The following TTC39C variants were observed in gnomAD, a reference collection of about 807,000 sequenced individuals.
The protein encoded by TTC39C is tetratricopeptide repeat protein 39C.
In TTC39C, 33 loss-of-function variants were observed where a neutral mutation model predicts 76.3. The ratio of observed to expected loss-of-function variants is 0.43; its 90% CI spans 0.33 to 0.58. The LOEUF (loss-of-function observed/expected upper bound fraction) is 0.58. Ranked by LOEUF, TTC39C falls within the 20% of genes least tolerant of loss-of-function variation. The pLI, the probability that TTC39C is intolerant of heterozygous loss-of-function variation, is 0.04. For synonymous variants in TTC39C, 254 were observed against 260.6 expected, an observed-to-expected ratio of 0.97 and a Z score of 0.24; for missense variants, 595 against 701.4, an observed-to-expected ratio of 0.85 and a Z score of 1.71.
At chr18:24,094,467 T>C (rs1286756650) in intron 6 of TTC39C, among the ~76,000 whole-genome samples, 2 of 152,254 alleles carry the variant, frequency 1.3e-5, no homozygotes, top group Non-Finnish European at 2.9e-5. Context: ...GTTTTCAATT[T>C]ACTTTGCTCA....
At chr18:24,050,875 GA>G (rs56836246) in intron 1 of TTC39C, among the ~76,000 whole-genome samples, 2,530 of 142,736 alleles carry the variant, frequency 0.018, 72 homozygotes, top group African/African-American at 0.058. Context: ...TCCATCTCAG[GA>G]AAAAAAAAAA....
At chr18:24,116,913 C>T (rs568748545) in intron 7 of TTC39C, among the ~76,000 whole-genome samples, 1 of 149,004 alleles carries the variant, frequency 6.7e-6, no homozygotes, top group African/African-American at 2.4e-5. Flanking sequence ...GCAGCCCAGA[C>T]CTCCCCGGCT....
At chr18:24,077,653 A>T (rs2084323766) in intron 4 of TTC39C, among the ~76,000 whole-genome samples, 1 of 152,230 alleles carries the variant, frequency 6.6e-6, no homozygotes, top group African/African-American at 2.4e-5. Flanking sequence ...TAATAGAAAC[A>T]GTCAATAGCC....
intron 6 of TTC39C, among the ~76,000 whole-genome samples, chr18:24,107,996 A>G (rs1273409846): frequency 1.3e-5 from 2 of 152,172 alleles, no homozygotes; most frequent in African/African-American, 2.4e-5. Flanking sequence ...TTTACTTACT[A>G]GTTGCTTAAA....
intron 10 of TTC39C, among the ~76,000 whole-genome samples, chr18:24,128,321 C>A (rs1253551383): frequency 6.6e-6 from 1 of 151,980 alleles, no homozygotes; most frequent in East Asian, 1.9e-4. Flanking sequence ...CCTGCTTCTA[C>A]AAGATCAGCT....
At chr18:24,113,706 T>C in intron 6 of TTC39C, 1 of 702,268 alleles carries the variant, frequency 1.4e-6, no homozygotes, top group Non-Finnish European at 2.6e-6. Flanking sequence ...AAGATTAAAC[T>C]GATGCTTTGA....
At chr18:24,016,895 C>T (rs191005248) in intron 1 of TTC39C, among the ~76,000 whole-genome samples, 1 of 152,296 alleles carries the variant, frequency 6.6e-6, no homozygotes, top group East Asian at 1.9e-4. Context: ...TATATATTCT[C>T]ACTATTCTCA....
Position 24,128,984 on chromosome 18 carries a change from G to A in TTC39C, c.1518+1G>A. 1 of 1,611,766 alleles carries A rather than the reference G, an allele frequency of 6.2e-7. No individual in the cohort carries two copies. The highest frequency in any genetic ancestry group is 8.5e-7 in the Non-Finnish European group (1 of 1,178,694). On this transcript the variant is annotated splice_donor_variant, in intron 11 of 13. Transcript: ENST00000317571. LOFTEE classifies it high-confidence loss of function. The stretch of plus-strand genomic sequence containing the variant: ...AGGAAACTCAGAAGATGCTGTTCAG[G>A]TAAACTGTTAATGTTGTCAGGGCTA...
At chr18:24,047,156 C>T (rs529096787) in intron 1 of TTC39C, among the ~76,000 whole-genome samples, 10 of 151,718 alleles carry the variant, frequency 6.6e-5, no homozygotes, top group South Asian at 4.2e-4. Flanking sequence ...TGCAGTGGCG[C>T]GATCTCCGCT....
chr18:24,097,412 C>T lies in TTC39C; in HGVS notation c.984+14331C>T, dbSNP rs1226419393. ...ATTACAGTTCCTTGAAGAAACACTT[C>T]AGGATCTTGATCCCACTTATTTACA... is the stretch of plus-strand genomic sequence containing the variant. On this transcript the variant is annotated intron_variant, in intron 6 of 13. Coordinates refer to ENST00000317571, the MANE Select transcript of TTC39C (RefSeq NM_001135993.2). Among the ~76,000 whole-genome samples, 4 of 152,298 alleles carry T rather than the reference C, an allele frequency of 2.6e-5. No homozygotes were observed. In the East Asian group the frequency reaches 7.7e-4, roughly 29 times the overall value.
chr18:24,004,471 G>A (rs569301589), intron 1 of TTC39C, among the ~76,000 whole-genome samples: 70 of 152,314 alleles, frequency 4.6e-4, no homozygotes, highest in Non-Finnish European at 7.9e-4. Context: ...AAAAATAAAT[G>A]TCAAGAGTTA....
chr18:24,045,225 T>C (rs528213911), intron 1 of TTC39C, among the ~76,000 whole-genome samples: 3 of 134,702 alleles, frequency 2.2e-5, no homozygotes, highest in Non-Finnish European at 4.6e-5. Context: ...GTCAAGATCA[T>C]GCCACTGCAC....
chr18:24,113,427 C>T (rs2084842886), intron 6 of TTC39C: 1 of 605,960 alleles, frequency 1.7e-6, no homozygotes, highest in African/African-American at 1.9e-5. Context: ...TCCTCCAGGA[C>T]CCTTCCAGCC....
chr18:24,019,960 T>A, intron 1 of TTC39C: 1 of 1,487,226 alleles, frequency 6.7e-7, no homozygotes, highest in East Asian at 2.5e-5. Flanking sequence ...GCCTCTTCTC[T>A]GCCTAAAACC....
chr18:24,093,335 T>C (rs576433420), intron 6 of TTC39C, among the ~76,000 whole-genome samples: 16 of 152,106 alleles, frequency 1.1e-4, no homozygotes, highest in Non-Finnish European at 2.2e-4. Context: ...AAAAACTAGC[T>C]GGGCGTGGTG....
chr18:24,029,377 C>T (rs1203548481), intron 1 of TTC39C, among the ~76,000 whole-genome samples: 1 of 152,222 alleles, frequency 6.6e-6, no homozygotes, highest in East Asian at 1.9e-4. Flanking sequence ...GCTGGGATTA[C>T]AGGCGTGAGC....
At chr18:24,044,052 T>TTGTGTGTG (rs56233680) in intron 1 of TTC39C, among the ~76,000 whole-genome samples, 280 of 147,958 alleles carry the variant, frequency 1.9e-3, no homozygotes, top group African/African-American at 6.1e-3. Flanking sequence ...TTGTGTATGT[T>TTGTGTGTG]TGTGTGTGTG....
chr18:24,015,158 C>G, intron 1 of TTC39C, 120 bp downstream of exon 1: 3 of 873,012 alleles, frequency 3.4e-6, no homozygotes, highest in Non-Finnish European at 4.9e-6. Context: ...GATTCCGGTC[C>G]TCAGGTCTCC....
intron 1 of TTC39C, among the ~76,000 whole-genome samples, chr18:23,997,661 A>AGAAAGAAAGAAGGAAAGAAAGAAG (rs780900575): frequency 1.1e-5 from 1 of 92,248 alleles, no homozygotes; most frequent in Non-Finnish European, 2.3e-5. Context: ...GGAGAAAGAA[A>AGAAAGAAAGAAGGAAAGAAAGAAG]GAAAGAAAGA....
Sources: gnomAD v4.1 joint callset for allele counts (sites outside exome capture counted in the v4.1 genomes callset) on GRCh38, gnomAD v4.1.1 for gene constraint, MANE v1.5 for transcripts, NCBI Gene and HGNC (gene_info 2026-07-23, HGNC 2026-07-21) for gene names.